SUGCT: variants seen among roughly 807,000 people sequenced by gnomAD.
SUGCT encodes the protein succinyl-CoA:glutarate-CoA transferase.
A neutral mutation model predicts 55.0 loss-of-function variants in SUGCT; 41 were observed. That is an observed-to-expected ratio of 0.74 (90% CI 0.58 to 0.97). SUGCT has a LOEUF of 0.97. Among genes scored for constraint, SUGCT ranks in the 50% least tolerant of loss-of-function variants. SUGCT has a pLI of 0.00. For synonymous variants in SUGCT, 187 were observed against 200.4 expected (o/e 0.93, Z 0.56); for missense variants, 568 against 547.8 (o/e 1.04, Z -0.37).
intron 12 of SUGCT, among the ~76,000 whole-genome samples, chr7:40,572,372 A>G (rs1796498694): frequency 6.6e-6 from 1 of 152,146 alleles, no homozygotes; most frequent in Admixed American, 6.5e-5. Context: ...ATTCATTCCT[A>G]GAAATATTTT....
At chr7:40,364,325 A>G (rs1384273678) in intron 9 of SUGCT, among the ~76,000 whole-genome samples, 1 of 151,522 alleles carries the variant, frequency 6.6e-6, no homozygotes, top group African/African-American at 2.4e-5. Flanking sequence ...TTTAAAGTTA[A>G]TATTGTTATG....
At chr7:40,908,803 G>A in the SUGCT span, among the ~76,000 whole-genome samples, 190 of 152,294 alleles carry the variant, frequency 1.2e-3, no homozygotes, top group African/African-American at 4.4e-3. Flanking sequence ...TGGAATATCT[G>A]TAGCTGTAGA....
intron 7 of SUGCT, among the ~76,000 whole-genome samples, chr7:40,268,575 C>A (rs1034104124): frequency 1.3e-5 from 2 of 152,080 alleles, no homozygotes; most frequent in African/African-American, 4.8e-5. Context: ...TACTCTTAGG[C>A]TATTATGAAT....
intron 9 of SUGCT, among the ~76,000 whole-genome samples, chr7:40,434,195 C>T (rs1369914967): frequency 6.6e-6 from 1 of 152,190 alleles, no homozygotes; most frequent in South Asian, 2.1e-4. Context: ...ACATAACACT[C>T]TCATGACCTT....
At chr7:40,999,440 G>T in the SUGCT span, among the ~76,000 whole-genome samples, 2 of 152,132 alleles carry the variant, frequency 1.3e-5, no homozygotes, top group African/African-American at 4.8e-5. Flanking sequence ...TTGAGAAAGA[G>T]GCCAACAGAG....
chr7:40,695,167 T>TTTTTTTTA (rs1554403267), intron 12 of SUGCT, among the ~76,000 whole-genome samples: 83 of 135,508 alleles, frequency 6.1e-4, no homozygotes, highest in East Asian at 5.5e-3. Flanking sequence ...AAACCCTTAT[T>TTTTTTTTA]TTTATTTATT....
chr7:40,425,469 A>G (rs1483476021), intron 9 of SUGCT, among the ~76,000 whole-genome samples: 1 of 152,174 alleles, frequency 6.6e-6, no homozygotes, highest in East Asian at 1.9e-4. Context: ...GCTCAAGGCC[A>G]TATAGTAAGT....
chr7:40,247,916 G>A (rs1414388423), intron 7 of SUGCT, among the ~76,000 whole-genome samples: 1 of 151,046 alleles, frequency 6.6e-6, no homozygotes, highest in African/African-American at 2.4e-5. Context: ...TGGTTAATGT[G>A]TTTTATGTCC....
chr7:40,603,066 A>T (rs1035450926), intron 12 of SUGCT, among the ~76,000 whole-genome samples: 17 of 152,208 alleles, frequency 1.1e-4, no homozygotes, highest in African/African-American at 3.9e-4. Context: ...AAATTCTAGG[A>T]TGAATTAAAT....
At chr7:40,380,507 C>T (rs890701851) in intron 9 of SUGCT, among the ~76,000 whole-genome samples, 16 of 152,142 alleles carry the variant, frequency 1.1e-4, no homozygotes, top group African/African-American at 2.2e-4. Flanking sequence ...TTGCCTCCTC[C>T]GAGTTGCTGT....
chr7:40,345,252 A>C (rs1377175474), intron 9 of SUGCT, among the ~76,000 whole-genome samples: 1 of 152,150 alleles, frequency 6.6e-6, no homozygotes, highest in Admixed American at 6.5e-5. Context: ...GTATGGAGGG[A>C]AGAATGTATC....
chr7:41,012,780 A>G, the SUGCT span, among the ~76,000 whole-genome samples: 39 of 152,266 alleles, frequency 2.6e-4, no homozygotes, highest in East Asian at 7.1e-3. Flanking sequence ...AAAAAATTAA[A>G]ATGAAGCAGA....
At chr7:40,909,612 C>T in the SUGCT span, among the ~76,000 whole-genome samples, 12 of 152,274 alleles carry the variant, frequency 7.9e-5, no homozygotes, top group Admixed American at 2.0e-4. Context: ...TCACTAACGA[C>T]GGCCTTTGCT....
chr7:40,302,908 G>C (rs1478599935), intron 8 of SUGCT, among the ~76,000 whole-genome samples: 1 of 152,066 alleles, frequency 6.6e-6, no homozygotes. Context: ...TCCAGTGGCT[G>C]GATGGCAACC....
At chr7:40,532,681 T>A (rs1218009591) in intron 12 of SUGCT, among the ~76,000 whole-genome samples, 1 of 152,044 alleles carries the variant, frequency 6.6e-6, no homozygotes, top group Non-Finnish European at 1.5e-5. Flanking sequence ...AGGTTAACAT[T>A]AGGCAAAGAA....
At chr7:40,682,128 G>A (rs1019809436) in intron 12 of SUGCT, among the ~76,000 whole-genome samples, 1 of 152,138 alleles carries the variant, frequency 6.6e-6, no homozygotes, top group African/African-American at 2.4e-5. Context: ...TCCCTTGAAG[G>A]AGCTCAGGAT....
the SUGCT span, among the ~76,000 whole-genome samples, chr7:40,949,609 T>A: frequency 5.2e-3 from 795 of 152,348 alleles, 6 homozygotes; most frequent in African/African-American, 0.018. Context: ...AAGTCTTTAA[T>A]CCATCTTGAA....
chr7:40,615,120 A>T (rs1370029987), intron 12 of SUGCT, among the ~76,000 whole-genome samples: 1 of 152,080 alleles, frequency 6.6e-6, no homozygotes, highest in Non-Finnish European at 1.5e-5. Context: ...TTTATTTACA[A>T]ACACACTGCT....
At chr7:40,635,565 A>G (rs866253786) in intron 12 of SUGCT, among the ~76,000 whole-genome samples, 14 of 152,230 alleles carry the variant, frequency 9.2e-5, no homozygotes, top group African/African-American at 3.1e-4. Context: ...CAAAATAGCA[A>G]TAAGAATCTC....
Sources: gnomAD v4.1 joint callset for allele counts (sites outside exome capture counted in the v4.1 genomes callset) on GRCh38, gnomAD v4.1.1 for gene constraint, MANE v1.5 for transcripts, NCBI Gene and HGNC (gene_info 2026-07-23, HGNC 2026-07-21) for gene names.